DCDC2: variants seen among roughly 807,000 people sequenced by gnomAD.
The protein encoded by DCDC2 is doublecortin domain-containing protein 2.
Under a neutral mutation model 50.2 loss-of-function variants are expected in DCDC2, and 40 were observed. The ratio of observed to expected loss-of-function variants is 0.80; its 90% CI spans 0.62 to 1.04. DCDC2 has a LOEUF of 1.04. Among genes scored for constraint, DCDC2 ranks in the 50% least tolerant of loss-of-function variants. The probability of loss-of-function intolerance (pLI) is 0.00; values close to 1 mark genes in which losing one functional copy is unlikely to be tolerated. For missense variants in DCDC2, 570 were observed against 581.9 expected (o/e 0.98, Z 0.21); for synonymous variants, 234 against 210.6 (o/e 1.11, Z -0.96).
chr6:24,231,558 T>TC (rs1418952442), intron 7 of DCDC2, among the ~76,000 whole-genome samples: 2 of 151,862 alleles, frequency 1.3e-5, no homozygotes, highest in Non-Finnish European at 2.9e-5. Flanking sequence ...AGAACAATCC[T>TC]CCCCTCCCCC....
At chr6:24,233,754 T>C (rs1278109530) in intron 7 of DCDC2, among the ~76,000 whole-genome samples, 1 of 152,192 alleles carries the variant, frequency 6.6e-6, no homozygotes, top group Admixed American at 6.5e-5. Flanking sequence ...GTTTGATAGA[T>C]GAAGAAAACA....
chr6:24,198,187 G>C (rs1761488871), intron 8 of DCDC2, among the ~76,000 whole-genome samples: 1 of 152,068 alleles, frequency 6.6e-6, no homozygotes, highest in Admixed American at 6.6e-5. Flanking sequence ...AGAATATACT[G>C]GCATTTTAAA....
chr6:24,332,346 T>C (rs1158124900), intron 2 of DCDC2, among the ~76,000 whole-genome samples: 1 of 152,150 alleles, frequency 6.6e-6, no homozygotes, highest in Non-Finnish European at 1.5e-5. Context: ...GCTCCCAGCT[T>C]AGAACTCCAC....
At chr6:24,311,432 G>A (rs1237811195) in intron 2 of DCDC2, among the ~76,000 whole-genome samples, 1 of 152,116 alleles carries the variant, frequency 6.6e-6, no homozygotes, top group African/African-American at 2.4e-5. Context: ...TACAGAATTT[G>A]CTCAGTACAT....
At chr6:24,301,338 A>T (rs907517569) in intron 4 of DCDC2, among the ~76,000 whole-genome samples, 205 of 127,042 alleles carry the variant, frequency 1.6e-3, no homozygotes, top group African/African-American at 3.2e-3. Context: ...GCCACTGCAC[A>T]CCAGCCTGGG....
chr6:24,357,793 G>A lies in DCDC2; in HGVS notation c.-43C>T, dbSNP rs1280807320. On this transcript the variant is annotated 5_prime_UTR_variant, in exon 1 of 10. Transcript: ENST00000378454. ...GCCTCAGCTCGCTGCTTCGCGTCGG[G>A]AGGCACCTCCGCTGTCCCAGCGGCC... is the stretch of plus-strand genomic sequence containing the variant. 2.5e-6 allele frequency: 4 copies of A among 1,611,660 alleles called. No individual in the cohort carries two copies. The African/African-American group carries it at 4.0e-5, about 16-fold the overall frequency.
chr6:24,362,405 A>ATACAATTATTTTTTATTTAATTTATG (rs1561790917), upstream of DCDC2, among the ~76,000 whole-genome samples: 2 of 74,832 alleles, frequency 2.7e-5, no homozygotes, highest in Admixed American at 1.1e-4. Context: ...TTAATTGTAT[A>ATACAATTATTTTTTATTTAATTTATG]TTTATACAAT....
chr6:24,262,114 C>T (rs945231154), intron 7 of DCDC2, among the ~76,000 whole-genome samples: 1 of 151,630 alleles, frequency 6.6e-6, no homozygotes, highest in Non-Finnish European at 1.5e-5. Context: ...GAATTGCCTA[C>T]ACCACCCCAC....
At chr6:24,305,591 C>T (rs1359441217) in intron 2 of DCDC2, among the ~76,000 whole-genome samples, 1 of 152,166 alleles carries the variant, frequency 6.6e-6, no homozygotes, top group Non-Finnish European at 1.5e-5. Flanking sequence ...CTCCAGAGCC[C>T]TAATCGGGGA....
rs1002032199 is a variant in DCDC2 at position 24,301,767 on chromosome 6, C to T, written c.505G>A (p.Val169Ile). ...ATTTTTTCTGTGACCATTTGTAGTACATGATCCCACTGATTCAAGGTTTTT... is the reference window on the plus strand; with the variant it reads ...ATTTTTTCTGTGACCATTTGTAGTATATGATCCCACTGATTCAAGGTTTTT... ...PRKTLNQWDH[V>I]LQMVTEKITL... The change falls in exon 4 of 10, where the codon GTA (valine) becomes ATA (isoleucine). Residue 169 changes from valine to isoleucine, a missense_variant. Physicochemically the swap from Val to Ile is conservative, Grantham distance 29. Coordinates refer to ENST00000378454, the MANE Select transcript of DCDC2 (RefSeq NM_016356.5). The T allele has an allele frequency of 6.2e-7, 1 of 1,614,066 alleles. No homozygotes were observed. Among genetic ancestry groups the T allele is most frequent in the Non-Finnish European group, 8.5e-7 (1 of 1,180,048 alleles).
At chr6:24,204,478 G>A (rs943181748) in intron 8 of DCDC2, among the ~76,000 whole-genome samples, 30 of 152,036 alleles carry the variant, frequency 2.0e-4, no homozygotes, top group African/African-American at 7.0e-4. Context: ...CATACACTGG[G>A]GCCTGTCAGG....
intron 7 of DCDC2, among the ~76,000 whole-genome samples, chr6:24,240,124 T>C (rs919954664): frequency 3.9e-5 from 6 of 152,178 alleles, no homozygotes; most frequent in Non-Finnish European, 7.4e-5. Context: ...TAAAAGTAAA[T>C]ATATTTTGAA....
chr6:24,193,131 T>C (rs531107958), intron 8 of DCDC2, among the ~76,000 whole-genome samples: 2 of 152,164 alleles, frequency 1.3e-5, no homozygotes, highest in African/African-American at 4.8e-5. Context: ...TAGAATTGTA[T>C]ACTTCACCAT....
chr6:24,277,942 T>C, intron 7 of DCDC2, 107 bp downstream of exon 7: 1 of 931,740 alleles, frequency 1.1e-6, no homozygotes, highest in Non-Finnish European at 1.5e-6. Flanking sequence ...CTTTGAAAAC[T>C]CTCATATATG....
At chr6:24,358,921 T>A (rs374375388), upstream of DCDC2, among the ~76,000 whole-genome samples, 49 of 26,286 alleles carry the variant, frequency 1.9e-3, no homozygotes, top group African/African-American at 0.011. Context: ...ATTATATATA[T>A]TATATATTAT....
chr6:24,376,970 A>C, the DCDC2 span, among the ~76,000 whole-genome samples: 1 of 152,170 alleles, frequency 6.6e-6, no homozygotes, highest in East Asian at 1.9e-4. Flanking sequence ...TTCAACCAAA[A>C]GCCACTTGTA....
chr6:24,366,916 T>C, the DCDC2 span, among the ~76,000 whole-genome samples: 1 of 152,122 alleles, frequency 6.6e-6, no homozygotes, highest in African/African-American at 2.4e-5. Flanking sequence ...CATAGCTCAC[T>C]GCAACTTCTA....
intron 6 of DCDC2, among the ~76,000 whole-genome samples, 168 bp downstream of exon 6, chr6:24,288,684 T>G (rs935760260): frequency 3.8e-4 from 58 of 152,354 alleles, no homozygotes; most frequent in Admixed American, 1.4e-3. Flanking sequence ...TAGCTCTGTT[T>G]AGGACCATAA....
intron 7 of DCDC2, among the ~76,000 whole-genome samples, chr6:24,248,675 TTACTACATGCCACGTAC>T (rs1762736799): frequency 1.3e-5 from 2 of 152,104 alleles, no homozygotes; most frequent in African/African-American, 4.8e-5. Flanking sequence ...AAACATCTGT[TTACTACATGCCACGTAC>T]TCCACCTGTT....
Sources: gnomAD v4.1 joint callset for allele counts (sites outside exome capture counted in the v4.1 genomes callset) on GRCh38, gnomAD v4.1.1 for gene constraint, MANE v1.5 for transcripts, NCBI Gene and HGNC (gene_info 2026-07-23, HGNC 2026-07-21) for gene names.